DHX35: variants seen among roughly 807,000 people sequenced by gnomAD.
The protein encoded by DHX35 is DEAH-box helicase 35.
A neutral mutation model predicts 99.6 loss-of-function variants in DHX35; 84 were observed. That is an observed-to-expected ratio of 0.84 (90% CI 0.71 to 1.01). The LOEUF is 1.01. Ranked by LOEUF, DHX35 falls within the 50% of genes least tolerant of loss-of-function variation. The pLI is 0.00. For missense variants in DHX35, 852 were observed against 888.5 expected (o/e 0.96, Z 0.52); for synonymous variants, 331 against 316.2 (o/e 1.05, Z -0.50).
intron 2 of DHX35, among the ~76,000 whole-genome samples, chr20:38,971,442 C>A (rs900155190): frequency 2.0e-5 from 3 of 152,082 alleles, no homozygotes; most frequent in Non-Finnish European, 4.4e-5. Context: ...CATTATGAGG[C>A]CACCTGTTCC....
rs569251115 is a variant in DHX35 at position 38,992,623 on chromosome 20, T to A, written c.582+198T>A. Among the ~76,000 whole-genome samples the A allele has an allele frequency of 6.6e-6, 1 of 152,060 alleles. No individual in the cohort carries two copies. The highest frequency in any genetic ancestry group is 1.5e-5 in the Non-Finnish European group (1 of 67,992). Reference sequence around the variant, plus strand: ...TCTTTTCTGTGTGTGTGTGTGTGTGTGTGAGTGAGTGTGTGTGTACTTGGA... The same window carrying A: ...TCTTTTCTGTGTGTGTGTGTGTGTGAGTGAGTGAGTGTGTGTGTACTTGGA... On this transcript the variant is annotated intron_variant, in intron 7 of 21. Transcript: ENST00000252011.
At chr20:39,018,961 G>T in intron 15 of DHX35, 62 bp downstream of exon 15, 1 of 1,503,896 alleles carries the variant, frequency 6.6e-7, no homozygotes. Flanking sequence ...TTGTTTGCCT[G>T]AATTCTGAGC....
In DHX35 at chr20:38,965,267, C is replaced by T. The variant is rs569975967; in HGVS notation, c.40+2860C>T. ...ATTTACACATCTTATTAAACAGTCACAGTATCTCTGTGATGACAGTAATAC... is the reference window on the plus strand; with the variant it reads ...ATTTACACATCTTATTAAACAGTCATAGTATCTCTGTGATGACAGTAATAC... On this transcript the variant is annotated intron_variant, in intron 1 of 21. Coordinates refer to ENST00000252011, the MANE Select transcript of DHX35 (RefSeq NM_021931.4). Among the ~76,000 whole-genome samples, 486 of 152,346 alleles carry T rather than the reference C, an allele frequency of 3.2e-3. 3 individuals carry two copies. Among genetic ancestry groups the T allele is most frequent in the African/African-American group, 0.011 (475 of 41,582 alleles).
chr20:39,023,583 G>A, intron 16 of DHX35, 107 bp from the exon 17 acceptor site: 1 of 1,029,438 alleles, frequency 9.7e-7, no homozygotes, highest in Non-Finnish European at 1.5e-6. Flanking sequence ...GAACTTCTGG[G>A]TTCAGGCAAT....
At chr20:38,971,350 C>T (rs2085993523) in intron 2 of DHX35, among the ~76,000 whole-genome samples, 1 of 152,166 alleles carries the variant, frequency 6.6e-6, no homozygotes. Context: ...GAGACTCCAT[C>T]TCAAAAAACA....
At chr20:38,981,931 G>A (rs1008193013) in intron 3 of DHX35, among the ~76,000 whole-genome samples, 23 of 140,706 alleles carry the variant, frequency 1.6e-4, no homozygotes, top group East Asian at 4.1e-4. Flanking sequence ...GCAACAGAGC[G>A]AGACTCTGTC....
At chr20:39,018,377 C>G (rs1162809740) in intron 14 of DHX35, among the ~76,000 whole-genome samples, 2 of 151,946 alleles carry the variant, frequency 1.3e-5, no homozygotes, top group Non-Finnish European at 2.9e-5. Context: ...GAAGCAGCGG[C>G]CAGCAGAGCC....
chr20:39,034,768 T>C (rs2087120051), intron 21 of DHX35, among the ~76,000 whole-genome samples: 1 of 149,240 alleles, frequency 6.7e-6, no homozygotes, highest in African/African-American at 2.5e-5. Context: ...TTTCTTTTTC[T>C]TTTTTCTTTT....
chr20:39,022,679 G>A (rs6028247), intron 16 of DHX35, among the ~76,000 whole-genome samples: 1 of 152,356 alleles, frequency 6.6e-6, no homozygotes, highest in South Asian at 2.1e-4. Flanking sequence ...GGGTATAGCA[G>A]GCTGATTCTG....
At chr20:39,031,455 G>C (rs1456035383) in intron 20 of DHX35, among the ~76,000 whole-genome samples, 1 of 151,632 alleles carries the variant, frequency 6.6e-6, no homozygotes, top group African/African-American at 2.4e-5. Context: ...TCCTGCCTCA[G>C]CCACCTGAGT....
chr20:38,991,496 C>T lies in DHX35; in HGVS notation c.493C>T (p.Pro165Ser). 1.2e-6 allele frequency: 2 copies of T among 1,613,450 alleles called. No homozygotes were observed. Among genetic ancestry groups the T allele is most frequent in the African/African-American group, 1.3e-5 (1 of 74,996 alleles). Residue 165 changes from proline (P) to serine (S), a missense_variant, in exon 6 of 22, where the codon CCG (proline) becomes TCG (serine). Pro to Ser is a moderately conservative substitution (Grantham distance 74, BLOSUM62 -1). Coordinates refer to ENST00000252011, the MANE Select transcript of DHX35 (RefSeq NM_021931.4). The part of the protein sequence containing the change: ...GMLVREMMVD[P>S]LLTKYSVIML... ...GCTGGTCAGGGAAATGATGGTTGAT[C>T]CGTTGTTAACAAAATATAGGTAAAT...
At chr20:38,967,416 A>G (rs2085926404) in intron 1 of DHX35, among the ~76,000 whole-genome samples, 1 of 152,188 alleles carries the variant, frequency 6.6e-6, no homozygotes, top group Non-Finnish European at 1.5e-5. Context: ...ATTTTTATTC[A>G]TTTACAAGGC....
At chr20:38,989,101 T>C (rs936791532) in intron 5 of DHX35, among the ~76,000 whole-genome samples, 184 bp downstream of exon 5, 7 of 145,662 alleles carry the variant, frequency 4.8e-5, no homozygotes, top group African/African-American at 1.8e-4. Context: ...TTTTTTCTTT[T>C]TTTTTTTTTT....
At chr20:38,972,782 T>A (rs1301699408) in intron 3 of DHX35, 131 bp downstream of exon 3, 1 of 626,536 alleles carries the variant, frequency 1.6e-6, no homozygotes, top group Non-Finnish European at 2.8e-6. Flanking sequence ...CAACTAGATA[T>A]TTTTTATTAA....
chr20:38,991,972 C>T (rs1017886190), intron 6 of DHX35, among the ~76,000 whole-genome samples: 3 of 152,182 alleles, frequency 2.0e-5, no homozygotes, highest in Admixed American at 2.0e-4. Context: ...TGTGTCACAA[C>T]TGTAGTCAGC....
At chr20:38,964,749 A>G (rs1450497417) in intron 1 of DHX35, among the ~76,000 whole-genome samples, 1 of 152,174 alleles carries the variant, frequency 6.6e-6, no homozygotes, top group Non-Finnish European at 1.5e-5. Flanking sequence ...GTTTTTAAGC[A>G]GGAACAAATC....
At chr20:38,965,368 T>A (rs950438254) in intron 1 of DHX35, among the ~76,000 whole-genome samples, 9 of 152,248 alleles carry the variant, frequency 5.9e-5, no homozygotes, top group Non-Finnish European at 1.3e-4. Context: ...GAAGCTGATA[T>A]AAGGCTAGAC....
intron 20 of DHX35, among the ~76,000 whole-genome samples, chr20:39,032,096 A>G (rs1174250145): frequency 6.6e-6 from 1 of 152,204 alleles, no homozygotes; most frequent in African/African-American, 2.4e-5. Context: ...ATTTTTCTAG[A>G]ATTCATTTAT....
intron 13 of DHX35, among the ~76,000 whole-genome samples, chr20:39,012,379 A>G (rs1246497516): frequency 6.6e-6 from 1 of 152,346 alleles, no homozygotes; most frequent in South Asian, 2.1e-4. Context: ...AAGAGTTTTT[A>G]TATGCACATC....
Sources: allele counts gnomAD v4.1 joint callset (sites outside exome capture counted in the v4.1 genomes callset), GRCh38; gene constraint gnomAD v4.1.1; transcripts MANE v1.5; gene names NCBI Gene and HGNC (gene_info 2026-07-23, HGNC 2026-07-21).